Variants in GFOD1 observed in about 807,000 individuals in gnomAD.
The protein encoded by GFOD1 is Gfo/Idh/MocA-like oxidoreductase domain containing 1.
Under a neutral mutation model 25.4 loss-of-function variants are expected in GFOD1, and 9 were observed. That is an observed-to-expected ratio of 0.35 (90% CI 0.21 to 0.62). GFOD1 has a LOEUF of 0.62. Among genes scored for constraint, GFOD1 ranks in the 20% least tolerant of loss-of-function variants. The pLI is 0.72. For missense variants in GFOD1, 403 were observed against 556.9 expected (o/e 0.72, Z 2.78); for synonymous variants, 253 against 245.6 (o/e 1.03, Z -0.28).
chr6:13,468,902 G>A (rs756625345), intron 1 of GFOD1, among the ~76,000 whole-genome samples: 1 of 152,106 alleles, frequency 6.6e-6, no homozygotes, highest in Non-Finnish European at 1.5e-5. Context: ...AAGCATATGG[G>A]AGCCAGGCAG....
intron 1 of GFOD1, among the ~76,000 whole-genome samples, chr6:13,394,798 A>G (rs976371105): frequency 2.6e-5 from 4 of 151,266 alleles, no homozygotes; most frequent in Non-Finnish European, 5.9e-5. Context: ...ATGCCCGGCT[A>G]ATTTTTGTAT....
At chr6:13,380,256 T>A (rs561365740) in intron 1 of GFOD1, among the ~76,000 whole-genome samples, 1 of 152,362 alleles carries the variant, frequency 6.6e-6, no homozygotes, top group African/African-American at 2.4e-5. Context: ...AGCTGATATC[T>A]GGTCCTGCCA....
At chr6:13,481,598 C>T (rs908362814) in intron 1 of GFOD1, among the ~76,000 whole-genome samples, 10 of 149,196 alleles carry the variant, frequency 6.7e-5, no homozygotes, top group East Asian at 5.9e-4. Flanking sequence ...CACACACACA[C>T]GTGTGCACAT....
At chr6:13,394,414 G>T in intron 1 of GFOD1, among the ~76,000 whole-genome samples, 1 of 151,808 alleles carries the variant, frequency 6.6e-6, no homozygotes, top group East Asian at 1.9e-4. Context: ...GGTGTCTGGC[G>T]GGGGGAAGGA....
At chr6:13,420,390 C>T (rs1258638696) in intron 1 of GFOD1, among the ~76,000 whole-genome samples, 2 of 152,182 alleles carry the variant, frequency 1.3e-5, no homozygotes, top group South Asian at 2.1e-4. Flanking sequence ...AGATCCCAAG[C>T]GTAGTCCAAT....
intron 1 of GFOD1, among the ~76,000 whole-genome samples, chr6:13,423,718 C>T (rs962786158): frequency 1.3e-5 from 2 of 152,210 alleles, no homozygotes; most frequent in Non-Finnish European, 2.9e-5. Flanking sequence ...GCATCCTCTT[C>T]CCACTACATG....
chr6:13,476,415 A>G (rs559300219), intron 1 of GFOD1, among the ~76,000 whole-genome samples: 1 of 152,350 alleles, frequency 6.6e-6, no homozygotes, highest in South Asian at 2.1e-4. Context: ...CAGAAAGTAG[A>G]TTAGTAGTTA....
intron 1 of GFOD1, among the ~76,000 whole-genome samples, chr6:13,379,854 G>C (rs1292662484): frequency 6.6e-6 from 1 of 152,174 alleles, no homozygotes; most frequent in Non-Finnish European, 1.5e-5. Flanking sequence ...GATCTAGTGT[G>C]ATTTGTCAGA....
At chr6:13,372,763 C>T (rs530946760) in intron 1 of GFOD1, among the ~76,000 whole-genome samples, 26 of 152,338 alleles carry the variant, frequency 1.7e-4, no homozygotes, top group African/African-American at 6.0e-4. Flanking sequence ...CCTCAAGCAT[C>T]CCTCCCCGTG....
intron 1 of GFOD1, chr6:13,470,344 C>T: frequency 1.9e-6 from 3 of 1,560,940 alleles, no homozygotes; most frequent in Non-Finnish European, 2.6e-6. Context: ...AATCTCAGTT[C>T]CACAGACAAA....
In GFOD1 at chr6:13,430,909, T is replaced by A. The variant is rs1254291576; in HGVS notation, c.253+55729A>T. On this transcript the variant is annotated intron_variant, in intron 1 of 1. Transcript: ENST00000379287. The surrounding 1 kb of genome is among the most constrained non-coding windows in gnomAD (Gnocchi z 4.1). ...TTTCAGGTAACCTTCTCCTGCCCTC[T>A]CTACAGTCCAGCCATCATACGAATG... Among the ~76,000 whole-genome samples, 1 of 152,214 alleles carries A rather than the reference T, an allele frequency of 6.6e-6. No individual in the cohort carries two copies. Among genetic ancestry groups the A allele is most frequent in the Non-Finnish European group, 1.5e-5 (1 of 68,044 alleles).
intron 1 of GFOD1, among the ~76,000 whole-genome samples, chr6:13,423,818 A>G (rs1474509335): frequency 3.3e-5 from 5 of 152,162 alleles, no homozygotes; most frequent in Non-Finnish European, 4.4e-5. Context: ...CCGAAGCAAG[A>G]GCATCCTCAG....
At chr6:13,427,179 CAG>C (rs1165079418) in intron 1 of GFOD1, among the ~76,000 whole-genome samples, 1 of 152,142 alleles carries the variant, frequency 6.6e-6, no homozygotes, top group Admixed American at 6.5e-5. Flanking sequence ...CAGGATCATA[CAG>C]AGTCTTCCCA....
rs1046099522 is a variant in GFOD1, at chr6:13,360,385, A to G, written c.*4358T>C. ...AATTCAATAGCTGTGGCTATGAGAC[A>G]AGATGAAGAGAGTAGGGGTGCAAAG... On this transcript the variant is annotated 3_prime_UTR_variant, in exon 2 of 2. Coordinates refer to ENST00000379287, the MANE Select transcript of GFOD1 (RefSeq NM_018988.4). The G allele has an allele frequency of 1.4e-5, 4 of 293,450 alleles. No individual in the cohort carries two copies. The highest frequency in any genetic ancestry group is 9.6e-5 in the Admixed American group (2 of 20,916). 18.2% of individuals were successfully genotyped at this position (293,450 alleles called of 1,614,324 possible).
chr6:13,476,683 G>C (rs142689719), intron 1 of GFOD1, among the ~76,000 whole-genome samples: 7 of 152,254 alleles, frequency 4.6e-5, no homozygotes, highest in African/African-American at 1.7e-4. Flanking sequence ...TATAGTTTCA[G>C]TTTAAGGACA....
intron 1 of GFOD1, among the ~76,000 whole-genome samples, chr6:13,450,145 A>C (rs1169621872): frequency 6.6e-6 from 1 of 151,880 alleles, no homozygotes; most frequent in Non-Finnish European, 1.5e-5. Flanking sequence ...GTGATTTTTT[A>C]CCCCTAGACC....
intron 1 of GFOD1, among the ~76,000 whole-genome samples, chr6:13,402,972 T>A (rs1785876114): frequency 6.6e-6 from 1 of 152,202 alleles, no homozygotes; most frequent in Non-Finnish European, 1.5e-5. Context: ...GGTGGTACAG[T>A]CATGCATCAT....
Position 13,439,535 on chromosome 6 carries a change from C to T in GFOD1, c.253+47103G>A, listed in dbSNP as rs77009734. Among the ~76,000 whole-genome samples, 806 of 152,294 alleles carry T rather than the reference C, an allele frequency of 5.3e-3. 5 individuals carry two copies. Among genetic ancestry groups the T allele is most frequent in the Non-Finnish European group, 6.4e-3 (437 of 68,028 alleles). The stretch of plus-strand genomic sequence containing the variant: ...CGGGCACAGTAGCTCATCTTGTAAC[C>T]CAGCTACTCAGAAGGCTTAGTCAGG... On this transcript the variant is annotated intron_variant, in intron 1 of 1. Transcript: ENST00000379287.
intron 1 of GFOD1, among the ~76,000 whole-genome samples, chr6:13,456,759 C>T (rs182155208): frequency 2.0e-5 from 3 of 152,170 alleles, no homozygotes; most frequent in African/African-American, 7.2e-5. Context: ...GTCTTGGCCC[C>T]GCACAGATCT....
Sources: gnomAD v4.1 joint callset for allele counts (sites outside exome capture counted in the v4.1 genomes callset) on GRCh38, gnomAD v4.1.1 for gene constraint, Gnocchi (gnomAD v3.1) non-coding constraint, MANE v1.5 for transcripts, NCBI Gene and HGNC (gene_info 2026-07-23, HGNC 2026-07-21) for gene names.